The following RAB21 variants were observed in gnomAD, a reference collection of about 807,000 sequenced individuals.
The protein encoded by RAB21 is RAB21, member RAS oncogene family.
In RAB21, 13 loss-of-function variants were observed where a neutral mutation model predicts 33.1. The observed-to-expected ratio is 0.39, with a 90% CI of 0.26 to 0.62. RAB21 has a LOEUF of 0.62. Among genes scored for constraint, RAB21 ranks in the 20% least tolerant of loss-of-function variants. The pLI, the probability that RAB21 is intolerant of heterozygous loss-of-function variation, is 0.48. For missense variants in RAB21, 234 were observed against 279.1 expected, an observed-to-expected ratio of 0.84 and a Z score of 1.15; for synonymous variants, 91 against 103.7, an observed-to-expected ratio of 0.88 and a Z score of 0.74.
chr12:71,769,853 C>A lies in RAB21; in HGVS notation c.213C>A (p.Ala71=). 7.3e-7 allele frequency: 1 copy of A among 1,366,118 alleles called. No homozygotes were observed. Among genetic ancestry groups the A allele is most frequent in the South Asian group, 1.9e-5 (1 of 52,798 alleles). The allele number at this position is 1,366,118 out of a possible 1,614,324, so 84.6% of individuals were successfully genotyped here. A position where few individuals can be genotyped will look rare whatever the true frequency, so the allele number is the denominator to read the frequency against. The part of the protein sequence containing the change: ...LNIGGKRVNL[A]IWDTAGQERF... ...TTGGTGGGAAAAGAGTAAACCTTGC[C>A]ATATGGGTAAGTGAACTTTTTCAAC... Residue 71 remains alanine (A), a synonymous_variant, in exon 2 of 7, where the codon GCC becomes GCA. Transcript: ENST00000261263.
Position 71,793,525 on chromosome 12 carries a change from AACAC to A in RAB21, c.*7862_*7865del, listed in dbSNP as rs887625792. On this transcript the variant is annotated 3_prime_UTR_variant, in exon 7 of 7. Coordinates refer to ENST00000261263, the MANE Select transcript of RAB21 (RefSeq NM_014999.4). The stretch of plus-strand genomic sequence containing the variant: ...AAAATAGAGCGAAATCATCCGTTTA[AACAC>A]ACACACACAAACTATCCCATTAGTT... 6.6e-6 allele frequency: 1 copy of A among 152,130 alleles called. No homozygotes were observed. The highest frequency in any genetic ancestry group is 1.5e-5 in the Non-Finnish European group (1 of 68,026). The allele number at this position is 152,130 out of a possible 1,614,324, so 9.4% of individuals were successfully genotyped here.
chr12:71,761,395 A>G (rs1882870004), intron 1 of RAB21, among the ~76,000 whole-genome samples: 1 of 151,968 alleles, frequency 6.6e-6, no homozygotes, highest in Non-Finnish European at 1.5e-5. Flanking sequence ...TAAAAATACA[A>G]GGGCCGGGCA....
intron 4 of RAB21, among the ~76,000 whole-genome samples, chr12:71,776,426 A>G (rs1041159317): frequency 1.3e-5 from 2 of 152,174 alleles, no homozygotes; most frequent in African/African-American, 4.8e-5. Context: ...TGGTTGCCAG[A>G]TAGTGAATTG....
At chr12:71,755,363 T>C in intron 1 of RAB21, 75 bp downstream of exon 1, 2 of 1,399,412 alleles carry the variant, frequency 1.4e-6, no homozygotes, top group Non-Finnish European at 1.9e-6. Flanking sequence ...TTTGCCGCCC[T>C]GGTCCCCTGG....
rs182081212 is a variant in RAB21, at chr12:71,779,153, A to G, written c.392-2878A>G. ...ACAGTGAGACTAACAGAGGTTAACT[A>G]ATTTGTCCAAAATATTACAGTTATG... On this transcript the variant is annotated intron_variant, in intron 4 of 6. Coordinates refer to ENST00000261263, the MANE Select transcript of RAB21 (RefSeq NM_014999.4). 9.9e-5 allele frequency among the ~76,000 whole-genome samples: 15 copies of G among 152,206 alleles called. No homozygotes were observed. In the East Asian group the frequency reaches 1.4e-3, roughly 14 times the overall value.
chr12:71,755,269 A>G lies in RAB21; in HGVS notation c.140A>G (p.Lys47Arg), dbSNP rs891719804. The change falls in exon 1 of 7, where the codon AAG (lysine) becomes AGG (arginine). Residue 47 changes from lysine (K) to arginine (R), a missense_variant. Coordinates refer to ENST00000261263, the MANE Select transcript of RAB21 (RefSeq NM_014999.4). ...TACTGCGAGAACAAGTTTAACGACAAGCACATCACCACTCTGCAGGTGCGG... is the reference window on the plus strand; with the variant it reads ...TACTGCGAGAACAAGTTTAACGACAGGCACATCACCACTCTGCAGGTGCGG... The part of the protein sequence containing the change: ...LRYCENKFND[K>R]HITTLQASFL... 10 of 1,537,560 alleles carry G rather than the reference A, an allele frequency of 6.5e-6. No homozygotes were observed. Among genetic ancestry groups the G allele is most frequent in the Non-Finnish European group, 8.7e-6 (10 of 1,145,962 alleles).
intron 1 of RAB21, among the ~76,000 whole-genome samples, chr12:71,759,101 T>C (rs1882832744): frequency 6.6e-6 from 1 of 152,226 alleles, no homozygotes; most frequent in Non-Finnish European, 1.5e-5. Flanking sequence ...TAGTTAAGCT[T>C]TTTCTTTTGT....
At chr12:71,784,834 A>G (rs2137659604) in intron 6 of RAB21, among the ~76,000 whole-genome samples, 1 of 152,218 alleles carries the variant, frequency 6.6e-6, no homozygotes. Context: ...GCTCACACCT[A>G]TAAGCCCAGT....
chr12:71,781,990 T>C (rs1035330208), intron 4 of RAB21, 41 bp from the exon 5 acceptor site: 1 of 1,437,342 alleles, frequency 7.0e-7, no homozygotes, highest in Non-Finnish European at 9.6e-7. Context: ...GTTATGAAAA[T>C]AAATCAGTAT....
rs1241373613 is a variant in RAB21, at chr12:71,793,146, T to TGTTTG, written c.*7488_*7492dup. On this transcript the variant is annotated 3_prime_UTR_variant, in exon 7 of 7. Transcript: ENST00000261263. ...TGCTTATTTAGACAGCAGCCATTTT[T>TGTTTG]GTTTGGTTTGGTTTGGTTTTGCGGT... The TGTTTG allele has an allele frequency of 4.6e-5, 7 of 152,328 alleles. No homozygotes were observed. Among genetic ancestry groups the TGTTTG allele is most frequent in the East Asian group, 3.9e-4 (2 of 5,180 alleles). 9.4% of individuals were successfully genotyped at this position (152,328 alleles called of 1,614,324 possible). A position where few individuals can be genotyped will look rare whatever the true frequency, so the allele number is the denominator to read the frequency against.
In RAB21 at chr12:71,769,910, T is replaced by G. The variant is rs752123453; in HGVS notation, c.219+51T>G. 7.5e-6 allele frequency: 8 copies of G among 1,063,586 alleles called. No individual in the cohort carries two copies. The East Asian group carries it at 1.2e-4, about 15-fold the overall frequency. 65.9% of individuals were successfully genotyped at this position (1,063,586 alleles called of 1,614,324 possible). ...GCGTGGAGGCTTCTTCCTTTTTTCT[T>G]TTTTTTTAAAGTTAATTGGAGCTTA... On this transcript the variant is annotated intron_variant, in intron 2 of 6. Transcript: ENST00000261263.
At chr12:71,784,529 C>T (rs1171545439) in intron 6 of RAB21, among the ~76,000 whole-genome samples, 18 of 150,544 alleles carry the variant, frequency 1.2e-4, no homozygotes, top group Non-Finnish European at 4.4e-5. Flanking sequence ...TTTTTTTTTA[C>T]AATAGATGTC....
At chr12:71,782,749 C>G in intron 6 of RAB21, 91 bp downstream of exon 6, 1 of 820,436 alleles carries the variant, frequency 1.2e-6, no homozygotes, top group Non-Finnish European at 1.8e-6. Flanking sequence ...TGTTACTTTT[C>G]AAAGAATTGG....
chr12:71,777,354 C>T (rs554662973), intron 4 of RAB21, among the ~76,000 whole-genome samples: 1 of 152,070 alleles, frequency 6.6e-6, no homozygotes, highest in East Asian at 1.9e-4. Context: ...CCTACGATTC[C>T]TTTATGTTGT....
intron 1 of RAB21, among the ~76,000 whole-genome samples, chr12:71,755,715 A>T (rs1882775738): frequency 6.6e-6 from 1 of 152,202 alleles, no homozygotes; most frequent in South Asian, 2.1e-4. Context: ...GCGCTTACTG[A>T]TGACTAAGTG....
rs1344714653 is a variant in RAB21, at chr12:71,796,500, G to T, written c.*10827G>T. 1 of 137,430 alleles carries T rather than the reference G, an allele frequency of 7.3e-6. No homozygotes were observed. Among genetic ancestry groups the T allele is most frequent in the Non-Finnish European group, 1.5e-5 (1 of 65,900 alleles). The allele number at this position is 137,430 out of a possible 1,614,324, so 8.5% of individuals were successfully genotyped here. A position where few individuals can be genotyped will look rare whatever the true frequency, so the allele number is the denominator to read the frequency against. ...TAATATTAGGATGGACATGTGTCTG[G>T]CTTATCCTTCCTATCTAGGAAACTG... On this transcript the variant is annotated 3_prime_UTR_variant, in exon 7 of 7. Transcript: ENST00000261263.
At chr12:71,775,847 T>A (rs1695394170) in intron 4 of RAB21, among the ~76,000 whole-genome samples, 1 of 151,362 alleles carries the variant, frequency 6.6e-6, no homozygotes, top group African/African-American at 2.4e-5. Flanking sequence ...GAATTTTTTT[T>A]AACTTGAGTT....
At chr12:71,772,362 G>C (rs1883056058) in intron 3 of RAB21, among the ~76,000 whole-genome samples, 1 of 152,208 alleles carries the variant, frequency 6.6e-6, no homozygotes, top group South Asian at 2.1e-4. Context: ...TTAAGTCTGA[G>C]ATTGGCACAG....
intron 1 of RAB21, among the ~76,000 whole-genome samples, chr12:71,765,101 A>G (rs984786561): frequency 2.6e-5 from 4 of 152,162 alleles, no homozygotes; most frequent in Admixed American, 1.3e-4. Context: ...TTCCCGTTTC[A>G]TCACATCCAC....
Sources: allele counts gnomAD v4.1 joint callset (sites outside exome capture counted in the v4.1 genomes callset), GRCh38; gene constraint gnomAD v4.1.1; transcripts MANE v1.5; gene names NCBI Gene and HGNC (gene_info 2026-07-23, HGNC 2026-07-21).